DENND1A: variants seen among roughly 807,000 people sequenced by gnomAD.
DENND1A encodes the protein DENN domain-containing protein 1A.
Under a neutral mutation model 113.7 loss-of-function variants are expected in DENND1A, and 51 were observed. The ratio of observed to expected loss-of-function variants is 0.45; its 90% confidence interval spans 0.36 to 0.57. DENND1A has a LOEUF of 0.57. Among genes scored for constraint, DENND1A ranks in the 20% least tolerant of loss-of-function variants. DENND1A has a pLI of 0.00. For synonymous variants in DENND1A, 565 were observed against 570.8 expected, an observed-to-expected ratio of 0.99 and a Z score of 0.14; for missense variants, 1,258 against 1,395.9, an observed-to-expected ratio of 0.90 and a Z score of 1.57.
At chr9:123,507,787 G>A (rs2053096326) in intron 13 of DENND1A, among the ~76,000 whole-genome samples, 1 of 151,660 alleles carries the variant, frequency 6.6e-6, no homozygotes, top group South Asian at 2.1e-4. Context: ...TCAGGCCACT[G>A]CACTGCAGCC....
At chr9:123,688,603 T>A (rs561486130) in intron 5 of DENND1A, among the ~76,000 whole-genome samples, 1 of 151,802 alleles carries the variant, frequency 6.6e-6, no homozygotes, top group East Asian at 1.9e-4. Context: ...ATGATGCGCA[T>A]TCCTTCTGTA....
chr9:123,807,562 A>G (rs1835807763), intron 2 of DENND1A, among the ~76,000 whole-genome samples: 1 of 152,236 alleles, frequency 6.6e-6, no homozygotes, highest in Admixed American at 6.5e-5. Flanking sequence ...TCTCCTTACC[A>G]TCTGTGCTCT....
chr9:123,486,431 G>A (rs568962310), intron 13 of DENND1A, among the ~76,000 whole-genome samples: 1 of 152,160 alleles, frequency 6.6e-6, no homozygotes, highest in East Asian at 1.9e-4. Context: ...AGAGCTGCTA[G>A]CCCAGCCCTG....
chr9:123,763,918 G>A (rs148258964), intron 4 of DENND1A, among the ~76,000 whole-genome samples: 312 of 151,982 alleles, frequency 2.1e-3, no homozygotes, highest in Non-Finnish European at 2.5e-3. Flanking sequence ...TAGATAACTC[G>A]TTCAAAAAAT....
intron 10 of DENND1A, among the ~76,000 whole-genome samples, chr9:123,620,526 C>G (rs942592127): frequency 3.9e-5 from 6 of 152,186 alleles, no homozygotes; most frequent in African/African-American, 1.4e-4. Context: ...GGACCAGAGT[C>G]TAGGATTTGG....
chr9:123,461,139 CT>C (rs1194838884), intron 13 of DENND1A, among the ~76,000 whole-genome samples: 3 of 152,216 alleles, frequency 2.0e-5, no homozygotes, highest in Non-Finnish European at 4.4e-5. Flanking sequence ...CCTTCCTCAC[CT>C]TCTTCATTGC....
At chr9:123,807,012 A>G (rs758417316) in intron 2 of DENND1A, among the ~76,000 whole-genome samples, 2 of 152,248 alleles carry the variant, frequency 1.3e-5, no homozygotes, top group East Asian at 1.9e-4. Context: ...AAGAGTGTTA[A>G]TAAGTTCAAG....
intron 13 of DENND1A, among the ~76,000 whole-genome samples, chr9:123,543,976 T>C (rs554700933): frequency 6.6e-6 from 1 of 152,226 alleles, no homozygotes; most frequent in Non-Finnish European, 1.5e-5. Flanking sequence ...CAAATGCTTG[T>C]TCCATGTTGT....
chr9:123,506,615 T>C (rs1212005642), intron 13 of DENND1A, among the ~76,000 whole-genome samples: 3 of 144,014 alleles, frequency 2.1e-5, no homozygotes, highest in Non-Finnish European at 3.0e-5. Context: ...GAATTATTAC[T>C]ATGATGATTA....
intron 2 of DENND1A, among the ~76,000 whole-genome samples, chr9:123,853,000 C>T (rs1320542560): frequency 6.6e-6 from 1 of 151,860 alleles, no homozygotes; most frequent in Non-Finnish European, 1.5e-5. Flanking sequence ...CTCACTGCAA[C>T]CTCCACCGCC....
intron 13 of DENND1A, among the ~76,000 whole-genome samples, chr9:123,552,220 C>T (rs368755268): frequency 5.9e-5 from 9 of 152,284 alleles, no homozygotes; most frequent in East Asian, 5.8e-4. Flanking sequence ...GAGCTGTCCC[C>T]CAACGGGCTC....
At chr9:123,414,696 G>C in intron 19 of DENND1A, 2 of 1,409,936 alleles carry the variant, frequency 1.4e-6, no homozygotes, top group Non-Finnish European at 9.7e-7. Context: ...AAGTTTATTT[G>C]AACATAGACT....
intron 10 of DENND1A, among the ~76,000 whole-genome samples, chr9:123,623,835 T>C (rs1361902266): frequency 6.6e-6 from 1 of 152,242 alleles, no homozygotes; most frequent in Non-Finnish European, 1.5e-5. Flanking sequence ...TCAATGACTG[T>C]GACCTGTGAT....
At chr9:123,462,722 G>A (rs150572821) in intron 13 of DENND1A, among the ~76,000 whole-genome samples, 178 of 152,236 alleles carry the variant, frequency 1.2e-3, no homozygotes, top group African/African-American at 3.9e-3. Context: ...ACTTGAACCC[G>A]GGAGGCGGAG....
intron 5 of DENND1A, among the ~76,000 whole-genome samples, chr9:123,698,568 A>C (rs1300398347): frequency 6.6e-6 from 1 of 152,208 alleles, no homozygotes; most frequent in African/African-American, 2.4e-5. Context: ...ACATTATATA[A>C]TTTCATTTAA....
At chr9:123,788,190 T>C (rs964051412) in intron 3 of DENND1A, among the ~76,000 whole-genome samples, 1 of 152,192 alleles carries the variant, frequency 6.6e-6, no homozygotes, top group African/African-American at 2.4e-5. Flanking sequence ...GTATAAGAAG[T>C]AATCATATTA....
chr9:123,795,333 G>A (rs1833602381), intron 2 of DENND1A, among the ~76,000 whole-genome samples: 1 of 152,142 alleles, frequency 6.6e-6, no homozygotes, highest in African/African-American at 2.4e-5. Context: ...TAACACAGGA[G>A]GCTGAAATCT....
In DENND1A at chr9:123,495,119, A is replaced by C; in HGVS notation, c.994-37222T>G. The stretch of plus-strand genomic sequence containing the variant: ...TTGTACTTCTCTTGTATGTCTATCT[A>C]TTATGACCCATCATTGTCTCTTTCT... On this transcript the variant is annotated intron_variant, in intron 13 of 23. Transcript: ENST00000394215. 1.6e-5 allele frequency among the ~76,000 whole-genome samples: 2 copies of C among 122,056 alleles called. 1 individual carries two copies. Among genetic ancestry groups the C allele is most frequent in the South Asian group, 5.7e-4 (2 of 3,516 alleles). The allele number at this position is 122,056 out of a possible 152,430, so 80.1% of individuals were successfully genotyped here.
intron 7 of DENND1A, 92 bp from the exon 8 acceptor site, chr9:123,667,171 C>G: frequency 7.8e-7 from 1 of 1,287,698 alleles, no homozygotes; most frequent in African/African-American, 1.5e-5. Flanking sequence ...AAAATATTTC[C>G]TTACTCAGAA....
Sources: gnomAD v4.1 joint callset for allele counts (sites outside exome capture counted in the v4.1 genomes callset) on GRCh38, gnomAD v4.1.1 for gene constraint, MANE v1.5 for transcripts, NCBI Gene and HGNC (gene_info 2026-07-23, HGNC 2026-07-21) for gene names.